BICD1: variants seen among roughly 807,000 people sequenced by gnomAD.
BICD1 encodes protein bicaudal D homolog 1.
A neutral mutation model predicts 92.5 loss-of-function variants in BICD1; 35 were observed. The observed-to-expected ratio is 0.38, with a 90% CI of 0.29 to 0.50. BICD1 has a LOEUF of 0.50. Ranked by LOEUF, BICD1 falls within the 20% of genes least tolerant of loss-of-function variation. The pLI is 0.93. For missense variants in BICD1, 950 were observed against 1,189.8 expected (o/e 0.80, Z 2.97); for synonymous variants, 429 against 465.1 (o/e 0.92, Z 1.00).
intron 1 of BICD1, chr12:32,109,427 C>T (rs1052220479): frequency 6.6e-6 from 1 of 151,980 alleles, no homozygotes; most frequent in Admixed American, 6.6e-5. Flanking sequence ...ATTAGTTTCA[C>T]CAGCAGTAAT....
Position 32,327,947 on chromosome 12 carries a change from C to G in BICD1, c.1492C>G (p.His498Asp). The change falls in exon 5 of 10, where the codon CAC (histidine) becomes GAC (aspartate). Residue 498 changes from histidine to aspartate, a missense_variant. By Grantham distance (81) the His-to-Asp change is moderately conservative (BLOSUM62 -1). Around this residue, in one of 5 missense-constraint regions of BICD1, gnomAD observed 309 missense variants for 499.4 expected, o/e 0.62. Coordinates refer to ENST00000652176, the MANE Select transcript of BICD1 (RefSeq NM_001714.4). ...GATGACCAGCATAGCCAACGAAAAT[C>G]ACAGTACCCTTAATACGGCCCAGGA... ...QKMTSIANEN[H>D]STLNTAQDEL... is the part of the protein sequence containing the mutation. 6.2e-7 allele frequency: 1 copy of G among 1,614,112 alleles called. No individual in the cohort carries two copies. Among genetic ancestry groups the G allele is most frequent in the Non-Finnish European group, 8.5e-7 (1 of 1,180,020 alleles).
intron 8 of BICD1, among the ~76,000 whole-genome samples, chr12:32,364,133 GCCTA>G (rs1939439477): frequency 1.3e-5 from 2 of 152,074 alleles, no homozygotes; most frequent in Non-Finnish European, 2.9e-5. Flanking sequence ...TCCCCCTGCT[GCCTA>G]ACACAGTTTC....
At chr12:32,178,052 A>C (rs1051667058) in intron 1 of BICD1, among the ~76,000 whole-genome samples, 3 of 151,562 alleles carry the variant, frequency 2.0e-5, no homozygotes, top group East Asian at 3.9e-4. Context: ...TATGGGGGAA[A>C]AAAGCAGGAG....
rs1175767357 is a variant in BICD1, at chr12:32,339,419, C to T, written c.2764+440C>T. The stretch of plus-strand genomic sequence containing the variant: ...GATTTCCTTTTGTGGTGACTCAGAA[C>T]GTCTCCTCAATCATTATATTGAGAA... On this transcript the variant is annotated intron_variant, in intron 8 of 9. Coordinates refer to ENST00000652176, the MANE Select transcript of BICD1 (RefSeq NM_001714.4). 5.1e-6 allele frequency: 5 copies of T among 986,644 alleles called. No homozygotes were observed. The African/African-American group carries it at 5.2e-5, about 10-fold the overall frequency. The allele number at this position is 986,644 out of a possible 1,614,324, so 61.1% of individuals were successfully genotyped here.
intron 1 of BICD1, among the ~76,000 whole-genome samples, chr12:32,151,575 A>G (rs1943289422): frequency 2.0e-5 from 3 of 152,244 alleles, no homozygotes. Flanking sequence ...TCCCTAGCTT[A>G]TAAGTGTACA....
At chr12:32,108,572 A>T in intron 1 of BICD1, 1 of 653,406 alleles carries the variant, frequency 1.5e-6, no homozygotes, top group Admixed American at 2.3e-5. Flanking sequence ...TTAGGTGCAT[A>T]TTGACATTTA....
At chr12:32,107,782 G>A (rs1941541417) in intron 1 of BICD1, 4 of 703,506 alleles carry the variant, frequency 5.7e-6, no homozygotes, top group Admixed American at 2.0e-5. Context: ...TGGCCTGCGG[G>A]GGAGGGAGAT....
In BICD1 at chr12:32,116,502, C is replaced by CTATATATA. The variant is rs1433983078; in HGVS notation, c.213+8959_213+8960insATATATAT. ...TCTCTCTCTCTCTCTTTCTCTCTCTCTCTCTCTCTATATATATATATATAT... is the reference window on the plus strand; with the variant it reads ...TCTCTCTCTCTCTCTTTCTCTCTCTCTATATATATCTCTCTCTATATATATATATATAT... On this transcript the variant is annotated intron_variant, in intron 1 of 9. Transcript: ENST00000652176. Among the ~76,000 whole-genome samples, 297 of 77,406 alleles carry CTATATATA rather than the reference C, an allele frequency of 3.8e-3. 1 individual carries two copies. The highest frequency in any genetic ancestry group is 0.017 in the Middle Eastern group (3 of 174). The allele number at this position is 77,406 out of a possible 152,430, so 50.8% of individuals were successfully genotyped here. A position where few individuals can be genotyped will look rare whatever the true frequency, so the allele number is the denominator to read the frequency against.
chr12:32,300,575 C>T (rs1948010073), intron 3 of BICD1, among the ~76,000 whole-genome samples: 1 of 150,128 alleles, frequency 6.7e-6, no homozygotes, highest in South Asian at 2.1e-4. Flanking sequence ...CAAGAGGTGT[C>T]CTATGTTGTC....
At chr12:32,224,769 T>C (rs1471826555) in intron 2 of BICD1, among the ~76,000 whole-genome samples, 1 of 152,160 alleles carries the variant, frequency 6.6e-6, no homozygotes, top group African/African-American at 2.4e-5. Context: ...TGTTGCAATC[T>C]CGGCTCACTG....
intron 8 of BICD1, among the ~76,000 whole-genome samples, chr12:32,346,524 ATATATATACGTGTATATATATATATAT>A (rs1938573841): frequency 1.0e-5 from 1 of 99,600 alleles, no homozygotes; most frequent in East Asian, 2.8e-4. Context: ...CAAAAAAAAT[ATATATATACGTGTATATATATATATAT>A]ATATATATAT....
chr12:32,152,902 CAA>C (rs1214794143), intron 1 of BICD1, among the ~76,000 whole-genome samples: 2 of 152,142 alleles, frequency 1.3e-5, no homozygotes, highest in Non-Finnish European at 2.9e-5. Context: ...GCTTCAGTAG[CAA>C]AACTGCTCTT....
chr12:32,239,938 T>C (rs1301659662), intron 2 of BICD1, among the ~76,000 whole-genome samples: 3 of 152,164 alleles, frequency 2.0e-5, no homozygotes, highest in African/African-American at 7.2e-5. Flanking sequence ...AAGGTATGTA[T>C]TTTTTAGATA....
chr12:32,221,341 A>G (rs1945517372), intron 2 of BICD1, among the ~76,000 whole-genome samples: 1 of 139,544 alleles, frequency 7.2e-6, no homozygotes, highest in Non-Finnish European at 1.5e-5. Flanking sequence ...CGTTATCTGT[A>G]TCACAAAAAA....
intron 1 of BICD1, among the ~76,000 whole-genome samples, chr12:32,182,413 G>A (rs930880477): frequency 6.7e-6 from 1 of 150,218 alleles, no homozygotes; most frequent in African/African-American, 2.4e-5. Context: ...CTCCCTAGTA[G>A]CTGGGATTAC....
At chr12:32,205,565 A>T (rs755705443) in intron 1 of BICD1, among the ~76,000 whole-genome samples, 1 of 151,402 alleles carries the variant, frequency 6.6e-6, no homozygotes. Flanking sequence ...GATTAAATTT[A>T]CTGAAATATA....
Position 32,306,004 on chromosome 12 carries a change from TGAATG to T in BICD1, c.890_894del (p.Asn297ArgfsTer18). ...CATATCCATGGGCCTCTTGTGAAACTGAATGGAGACTATCGGACTCCCACCTTAAG... is the reference window on the plus strand; with the variant it reads ...CATATCCATGGGCCTCTTGTGAAACTGAGACTATCGGACTCCCACCTTAAG... On this transcript the variant is annotated frameshift_variant, in exon 4 of 10. Coordinates refer to ENST00000652176, the MANE Select transcript of BICD1 (RefSeq NM_001714.4). LOFTEE classifies it high-confidence loss of function. 6.2e-7 allele frequency: 1 copy of T among 1,614,154 alleles called. No homozygotes were observed. The highest frequency in any genetic ancestry group is 8.5e-7 in the Non-Finnish European group (1 of 1,180,034).
At chr12:32,140,738 A>C (rs1222694064) in intron 1 of BICD1, among the ~76,000 whole-genome samples, 1 of 152,176 alleles carries the variant, frequency 6.6e-6, no homozygotes, top group African/African-American at 2.4e-5. Flanking sequence ...TAGTTTCTTC[A>C]GGTGAATAAA....
At chr12:32,314,639 T>C (rs978725042) in intron 4 of BICD1, among the ~76,000 whole-genome samples, 6 of 152,210 alleles carry the variant, frequency 3.9e-5, no homozygotes, top group African/African-American at 9.7e-5. Flanking sequence ...GTTGAAAGTG[T>C]TCTTTACTGA....
Sources: allele counts gnomAD v4.1 joint callset (sites outside exome capture counted in the v4.1 genomes callset), GRCh38; gene constraint gnomAD v4.1.1; regional missense constraint gnomAD v4.1.1; transcripts MANE v1.5; gene names NCBI Gene and HGNC (gene_info 2026-07-23, HGNC 2026-07-21).